Variants in IL1RAPL2 observed in about 807,000 individuals in gnomAD.
IL1RAPL2 encodes interleukin 1 receptor accessory protein like 2.
Under a neutral mutation model 44.1 loss-of-function variants are expected in IL1RAPL2, and 3 were observed. That is an observed-to-expected ratio of 0.07 (90% confidence interval 0.03 to 0.18). The LOEUF (loss-of-function observed/expected upper bound fraction) is 0.18, where lower values mean the gene tolerates loss of function less well. IL1RAPL2 is among the 10% of genes least tolerant of loss of function. IL1RAPL2 has a pLI of 1.00. For synonymous variants in IL1RAPL2, 181 were observed against 178.8 expected (o/e 1.01, Z -0.10); for missense variants, 391 against 496.4 (o/e 0.79, Z 2.02).
At chrX:104,806,450 C>T (rs993529496) in intron 2 of IL1RAPL2, among the ~76,000 whole-genome samples, 4 of 112,530 alleles carry the variant, frequency 3.6e-5, no homozygotes, top group East Asian at 2.8e-4. Flanking sequence ...CAGAGGTCAA[C>T]GGGAAAAACT....
At chrX:105,372,446 A>G (rs1019558113) in intron 5 of IL1RAPL2, among the ~76,000 whole-genome samples, 13 of 108,688 alleles carry the variant, frequency 1.2e-4, no homozygotes, top group Non-Finnish European at 2.3e-4. Flanking sequence ...AAAAAAAAAA[A>G]AAAAGTCTTT....
chrX:105,641,013 T>C (rs750641634), intron 6 of IL1RAPL2, among the ~76,000 whole-genome samples: 2 of 109,424 alleles, frequency 1.8e-5, no homozygotes, highest in East Asian at 2.9e-4. Context: ...GTATTGAAAG[T>C]AGATGGTAAA....
intron 4 of IL1RAPL2, among the ~76,000 whole-genome samples, chrX:105,266,749 C>T (rs1265124573): frequency 4.5e-5 from 5 of 111,115 alleles, no homozygotes; most frequent in Non-Finnish European, 7.5e-5. Context: ...TATAACAAAG[C>T]GTGTCCTCAT....
intron 2 of IL1RAPL2, among the ~76,000 whole-genome samples, chrX:105,010,185 A>G (rs748267946): frequency 1.0e-3 from 115 of 111,077 alleles, no homozygotes; most frequent in Non-Finnish European, 1.7e-3. Flanking sequence ...GGTATATTCT[A>G]TTAACCCAGA....
At chrX:105,380,082 T>C (rs1430814434) in intron 5 of IL1RAPL2, among the ~76,000 whole-genome samples, 1 of 112,173 alleles carries the variant, frequency 8.9e-6, no homozygotes, top group Admixed American at 9.5e-5. Context: ...CTGACTAATA[T>C]GTCAAGTTTC....
chrX:105,267,370 C>T lies in IL1RAPL2; in HGVS notation c.544-18C>T. On this transcript the variant is annotated intron_variant, in intron 4 of 10. Coordinates refer to ENST00000372582, the MANE Select transcript of IL1RAPL2 (RefSeq NM_017416.2). ...TGAAATTCTATTTTTTGCTTACTTG[C>T]AAATATTTTATCTGCAGGAATGCAA... 8.4e-7 allele frequency: 1 copy of T among 1,183,829 alleles called. No individual in the cohort carries two copies. Among genetic ancestry groups the T allele is most frequent in the Admixed American group, 2.5e-5 (1 of 40,167 alleles).
rs781017490 is a variant in IL1RAPL2, at chrX:105,492,731, T to C, written c.772+8344T>C. The stretch of plus-strand genomic sequence containing the variant: ...ATTTAATTTTCCCAGCAACTCTTTG[T>C]GATAAACCCAACTACTTGCCTCATT... On this transcript the variant is annotated intron_variant, in intron 6 of 10. Coordinates refer to ENST00000372582, the MANE Select transcript of IL1RAPL2 (RefSeq NM_017416.2). Among the ~76,000 whole-genome samples, 6 of 110,810 alleles carry C rather than the reference T, an allele frequency of 5.4e-5. No homozygotes were observed. In the East Asian group the frequency reaches 1.7e-3, roughly 31 times the overall value.
At chrX:105,322,659 C>T (rs776994045) in intron 5 of IL1RAPL2, among the ~76,000 whole-genome samples, 2 of 112,050 alleles carry the variant, frequency 1.8e-5, no homozygotes, top group Admixed American at 1.9e-4. Context: ...AGCATCTCTG[C>T]CACTTAGAAT....
chrX:104,724,662 G>GTT (rs2147566391), intron 2 of IL1RAPL2, among the ~76,000 whole-genome samples: 1 of 111,228 alleles, frequency 9.0e-6, no homozygotes, highest in Non-Finnish European at 1.9e-5. Context: ...CACCAAAAAG[G>GTT]CAGATCATCT....
At chrX:105,090,921 T>C (rs760743125) in intron 2 of IL1RAPL2, among the ~76,000 whole-genome samples, 46 of 111,896 alleles carry the variant, frequency 4.1e-4, no homozygotes, top group Non-Finnish European at 7.3e-4. Context: ...TTGTTTTCTT[T>C]AATATGAACT....
intron 7 of IL1RAPL2, among the ~76,000 whole-genome samples, chrX:105,728,924 TTTA>T (rs2147563567): frequency 9.0e-6 from 1 of 111,234 alleles, no homozygotes; most frequent in South Asian, 3.8e-4. Context: ...TTTTTTAGTC[TTTA>T]TAGTCTTTAT....
At chrX:105,314,708 A>C (rs2034823859) in intron 5 of IL1RAPL2, among the ~76,000 whole-genome samples, 1 of 111,969 alleles carries the variant, frequency 8.9e-6, no homozygotes, top group Admixed American at 9.5e-5. Flanking sequence ...AAGCCAATGC[A>C]AATCATGCTG....
chrX:105,690,591 T>C, intron 6 of IL1RAPL2, among the ~76,000 whole-genome samples: 1 of 112,098 alleles, frequency 8.9e-6, no homozygotes, highest in East Asian at 2.8e-4. Context: ...ACCTACATTA[T>C]GTGAACTCGA....
At chrX:104,949,669 G>C (rs1338930788) in intron 2 of IL1RAPL2, among the ~76,000 whole-genome samples, 6 of 109,500 alleles carry the variant, frequency 5.5e-5, no homozygotes, top group African/African-American at 1.7e-4. Flanking sequence ...CCTTCATTTC[G>C]TTATGTAGCC....
chrX:105,716,368 C>T, intron 6 of IL1RAPL2, among the ~76,000 whole-genome samples: 1 of 112,127 alleles, frequency 8.9e-6, no homozygotes, highest in East Asian at 2.8e-4. Flanking sequence ...AAAAACATTC[C>T]TCCCAGGAGA....
chrX:104,574,254 A>G (rs998817312), intron 1 of IL1RAPL2, among the ~76,000 whole-genome samples: 1 of 111,735 alleles, frequency 8.9e-6, no homozygotes, highest in Non-Finnish European at 1.9e-5. Context: ...TATTCTTAAC[A>G]TAAAAGAACT....
At chrX:104,606,721 C>G (rs1282016090) in intron 1 of IL1RAPL2, among the ~76,000 whole-genome samples, 1 of 110,775 alleles carries the variant, frequency 9.0e-6, no homozygotes, top group Non-Finnish European at 1.9e-5. Context: ...GAATAAAATA[C>G]CTAGGAATCC....
intron 2 of IL1RAPL2, among the ~76,000 whole-genome samples, chrX:104,971,435 T>C (rs2030234443): frequency 9.0e-6 from 1 of 111,499 alleles, no homozygotes; most frequent in Non-Finnish European, 1.9e-5. Flanking sequence ...CAACCTGATA[T>C]AGTTGGGATC....
intron 2 of IL1RAPL2, among the ~76,000 whole-genome samples, chrX:104,793,740 A>G (rs1483202714): frequency 9.0e-6 from 1 of 111,519 alleles, no homozygotes; most frequent in African/African-American, 3.3e-5. Context: ...GATTTTCGAA[A>G]CAACACCTAT....
Sources: allele counts gnomAD v4.1 joint callset (sites outside exome capture counted in the v4.1 genomes callset), GRCh38; gene constraint gnomAD v4.1.1; transcripts MANE v1.5; gene names NCBI Gene and HGNC (gene_info 2026-07-23, HGNC 2026-07-21).